Variants in RAD51B observed in about 807,000 individuals in gnomAD.
RAD51B encodes the protein RAD51 paralog B, also known as DNA repair protein RAD51 homolog 2.
In RAD51B, 38 loss-of-function variants were observed where a neutral mutation model predicts 42.2. The observed-to-expected ratio is 0.90, with a 90% CI of 0.70 to 1.18. The LOEUF (loss-of-function observed/expected upper bound fraction) is 1.18, where lower values mean the gene tolerates loss of function less well. Ranked by LOEUF, RAD51B falls within the 50% of genes most tolerant of loss-of-function variation. The probability of loss-of-function intolerance (pLI) is 0.00; values close to 1 mark genes in which losing one functional copy is unlikely to be tolerated. For synonymous variants in RAD51B, 154 were observed against 145.2 expected (o/e 1.06, Z -0.43); for missense variants, 373 against 400.7 (o/e 0.93, Z 0.59).
chr14:68,468,079 T>G, intron 9 of RAD51B, 93 bp from the exon 10 acceptor site: 1 of 1,070,164 alleles, frequency 9.3e-7, no homozygotes, highest in Non-Finnish European at 1.5e-6. Flanking sequence ...TACAGTCCTA[T>G]GTTACCACTT....
chr14:68,196,649 T>C (rs1166950406), intron 7 of RAD51B, among the ~76,000 whole-genome samples: 4 of 152,150 alleles, frequency 2.6e-5, no homozygotes, highest in Admixed American at 6.5e-5. Flanking sequence ...ATTATAATTG[T>C]ATAATTATAT....
At chr14:68,076,921 C>G (rs2140480700) in intron 7 of RAD51B, among the ~76,000 whole-genome samples, 1 of 152,200 alleles carries the variant, frequency 6.6e-6, no homozygotes, top group East Asian at 1.9e-4. Context: ...CTCAGCTGAG[C>G]CTTTCTTTTA....
chr14:68,320,710 C>T (rs1222434282), intron 8 of RAD51B, among the ~76,000 whole-genome samples: 2 of 152,210 alleles, frequency 1.3e-5, no homozygotes. Context: ...GCATTTTGAT[C>T]TCATTAAATA....
chr14:68,573,988 G>C (rs1889841963), intron 10 of RAD51B, among the ~76,000 whole-genome samples: 1 of 151,888 alleles, frequency 6.6e-6, no homozygotes, highest in Non-Finnish European at 1.5e-5. Context: ...GTATGTGTGT[G>C]TGTGTGTGTG....
At chr14:68,139,550 C>T (rs1435416275) in intron 7 of RAD51B, among the ~76,000 whole-genome samples, 1 of 152,170 alleles carries the variant, frequency 6.6e-6, no homozygotes, top group Admixed American at 6.5e-5. Context: ...GGAAGAAGCC[C>T]TGAAAGGGAT....
intron 7 of RAD51B, among the ~76,000 whole-genome samples, chr14:68,094,326 G>T (rs548920838): frequency 1.4e-4 from 21 of 152,202 alleles, no homozygotes; most frequent in African/African-American, 4.6e-4. Flanking sequence ...GGTCACCTTT[G>T]GTTATATCAG....
chr14:68,671,205 C>A (rs570405765), intron 11 of RAD51B, among the ~76,000 whole-genome samples: 1 of 152,206 alleles, frequency 6.6e-6, no homozygotes, highest in African/African-American at 2.4e-5. Context: ...TTGAGACTTA[C>A]ACTAGGTGGG....
At chr14:68,147,985 C>G in intron 7 of RAD51B, among the ~76,000 whole-genome samples, 1 of 152,072 alleles carries the variant, frequency 6.6e-6, no homozygotes, top group East Asian at 1.9e-4. Flanking sequence ...TGTCTCTTAC[C>G]CTTCCTTACC....
chr14:68,046,810 A>G (rs2076307731), intron 7 of RAD51B, among the ~76,000 whole-genome samples: 1 of 152,210 alleles, frequency 6.6e-6, no homozygotes, highest in Non-Finnish European at 1.5e-5. Context: ...TTCTTTATAA[A>G]TCAGATAAAA....
chr14:68,502,688 AG>A (rs1354411453), intron 10 of RAD51B, among the ~76,000 whole-genome samples: 1 of 152,224 alleles, frequency 6.6e-6, no homozygotes, highest in Non-Finnish European at 1.5e-5. Flanking sequence ...TGCATGCACC[AG>A]GGGATTTGTG....
At chr14:68,200,997 C>T (rs1320286423) in intron 7 of RAD51B, among the ~76,000 whole-genome samples, 1 of 152,018 alleles carries the variant, frequency 6.6e-6, no homozygotes, top group Non-Finnish European at 1.5e-5. Context: ...CAGCTGGATC[C>T]CCAGAAGCTA....
chr14:68,052,609 ACTT>A (rs536666118), intron 7 of RAD51B, among the ~76,000 whole-genome samples: 1,966 of 144,872 alleles, frequency 0.014, 21 homozygotes, highest in Non-Finnish European at 0.023. Flanking sequence ...CACTTCCATG[ACTT>A]CTTCTTCTTC....
chr14:67,910,006 C>G lies in RAD51B; in HGVS notation c.756+22802C>G, dbSNP rs536406331. 9.2e-5 allele frequency among the ~76,000 whole-genome samples: 14 copies of G among 152,250 alleles called. No homozygotes were observed. In the East Asian group the frequency reaches 2.7e-3, roughly 29 times the overall value. Reference sequence around the variant, plus strand: ...AGTTGCATAATGTTTTCTCCATTATCAACTTGACAGGCCTTTGTTTAAGGT... The same window carrying G: ...AGTTGCATAATGTTTTCTCCATTATGAACTTGACAGGCCTTTGTTTAAGGT... On this transcript the variant is annotated intron_variant, in intron 7 of 10. Coordinates refer to ENST00000471583, the MANE Select transcript of RAD51B (RefSeq NM_133510.4).
chr14:68,089,468 G>A (rs962750419), intron 7 of RAD51B, among the ~76,000 whole-genome samples: 2 of 152,136 alleles, frequency 1.3e-5, no homozygotes, highest in African/African-American at 4.8e-5. Context: ...GACCCAGCAG[G>A]GGGCTGGCAC....
intron 8 of RAD51B, among the ~76,000 whole-genome samples, chr14:68,308,014 T>G (rs2081901627): frequency 6.6e-6 from 1 of 152,182 alleles, no homozygotes; most frequent in Non-Finnish European, 1.5e-5. Context: ...TGATTTTTTT[T>G]TCGTCCTTAT....
intron 10 of RAD51B, among the ~76,000 whole-genome samples, chr14:68,504,264 T>G (rs1211527532): frequency 3.3e-5 from 5 of 152,120 alleles, no homozygotes; most frequent in Non-Finnish European, 5.9e-5. Context: ...ATTGACATAT[T>G]TAGGGGTAGG....
chr14:68,478,166 G>A (rs1360753083), downstream of RAD51B: 36 of 1,017,806 alleles, frequency 3.5e-5, no homozygotes, highest in South Asian at 4.6e-5. Context: ...ATGGAATGAT[G>A]TGGGAGGCTG....
At chr14:68,262,717 C>T (rs1222477343) in intron 7 of RAD51B, among the ~76,000 whole-genome samples, 4 of 152,172 alleles carry the variant, frequency 2.6e-5, no homozygotes, top group African/African-American at 9.7e-5. Flanking sequence ...AGGTCATTCT[C>T]TTACTTTCCC....
chr14:67,828,125 A>G (rs1261104959), intron 3 of RAD51B, among the ~76,000 whole-genome samples: 2 of 152,148 alleles, frequency 1.3e-5, no homozygotes, highest in African/African-American at 2.4e-5. Context: ...AAGCATTCCT[A>G]TTAGTCTGCA....
Sources: gnomAD v4.1 joint callset for allele counts (sites outside exome capture counted in the v4.1 genomes callset) on GRCh38, gnomAD v4.1.1 for gene constraint, MANE v1.5 for transcripts, NCBI Gene and HGNC (gene_info 2026-07-23, HGNC 2026-07-21) for gene names.